The following GAB2 variants were observed in gnomAD, a reference collection of about 807,000 sequenced individuals.
The protein encoded by GAB2 is GRB2-associated-binding protein 2.
Under a neutral mutation model 65.5 loss-of-function variants are expected in GAB2, and 26 were observed. That is an observed-to-expected ratio of 0.40 (90% CI 0.29 to 0.55). The LOEUF is 0.55. Among genes scored for constraint, GAB2 ranks in the 20% least tolerant of loss-of-function variants. The probability of loss-of-function intolerance (pLI) is 0.53; values close to 1 mark genes in which losing one functional copy is unlikely to be tolerated. For missense variants in GAB2, 884 were observed against 875.8 expected (o/e 1.01, Z -0.12); for synonymous variants, 321 against 329.6 (o/e 0.97, Z 0.28).
At chr11:78,251,602 C>G (rs1170236611) in intron 2 of GAB2, among the ~76,000 whole-genome samples, 2 of 152,216 alleles carry the variant, frequency 1.3e-5, no homozygotes, top group East Asian at 3.8e-4. Context: ...CTTGAACACA[C>G]CAGCCTCTTT....
At chr11:78,340,527 C>G (rs1378847662) in intron 1 of GAB2, among the ~76,000 whole-genome samples, 1 of 150,986 alleles carries the variant, frequency 6.6e-6, no homozygotes, top group Non-Finnish European at 1.5e-5. Context: ...CTTCAAAAGT[C>G]TAAAATTCCA....
At chr11:78,317,922 C>T (rs1434615841) in intron 1 of GAB2, among the ~76,000 whole-genome samples, 1 of 151,970 alleles carries the variant, frequency 6.6e-6, no homozygotes, top group Non-Finnish European at 1.5e-5. Context: ...ACTAAGAACA[C>T]ATTGAAGGTA....
At chr11:78,363,894 T>G (rs984782400) in intron 1 of GAB2, 8 of 152,188 alleles carry the variant, frequency 5.3e-5, no homozygotes, top group Admixed American at 1.3e-4. Flanking sequence ...TAGAAATACA[T>G]TTTCTTAAAA....
At chr11:78,328,081 C>T (rs1855855206) in intron 1 of GAB2, among the ~76,000 whole-genome samples, 1 of 152,040 alleles carries the variant, frequency 6.6e-6, no homozygotes. Flanking sequence ...AGGACAAAGC[C>T]CTATTACCCT....
intron 1 of GAB2, among the ~76,000 whole-genome samples, chr11:78,326,025 C>G (rs1855815735): frequency 6.6e-6 from 1 of 152,164 alleles, no homozygotes; most frequent in Admixed American, 6.5e-5. Context: ...TAGAGACAAT[C>G]ATTCTTATCT....
chr11:78,268,310 G>C (rs1865919932), intron 2 of GAB2, among the ~76,000 whole-genome samples: 1 of 152,186 alleles, frequency 6.6e-6, no homozygotes, highest in Admixed American at 6.5e-5. Flanking sequence ...CTGTTTCCCA[G>C]CACAGATCCT....
intron 1 of GAB2, among the ~76,000 whole-genome samples, chr11:78,390,918 G>C (rs1390825590): frequency 1.3e-5 from 2 of 152,154 alleles, no homozygotes; most frequent in African/African-American, 2.4e-5. Flanking sequence ...GATCAATAAC[G>C]CAGATGAAAT....
chr11:78,358,104 A>C (rs1484054698), intron 1 of GAB2, among the ~76,000 whole-genome samples: 1 of 152,150 alleles, frequency 6.6e-6, no homozygotes, highest in Non-Finnish European at 1.5e-5. Context: ...ACCATGGAAT[A>C]CTATGCAGCC....
chr11:78,362,453 A>G (rs1293960257), intron 1 of GAB2, among the ~76,000 whole-genome samples: 1 of 152,158 alleles, frequency 6.6e-6, no homozygotes, highest in African/African-American at 2.4e-5. Flanking sequence ...AGGAAATTAG[A>G]AAAAGGAAAC....
At chr11:78,312,550 C>G (rs551490669) in intron 1 of GAB2, among the ~76,000 whole-genome samples, 119 of 152,230 alleles carry the variant, frequency 7.8e-4, no homozygotes, top group African/African-American at 2.8e-3. Context: ...CTCAGCCTCC[C>G]GAGTAGCTGG....
chr11:78,352,347 C>T (rs1466296939), intron 1 of GAB2, among the ~76,000 whole-genome samples: 1 of 152,218 alleles, frequency 6.6e-6, no homozygotes, highest in South Asian at 2.1e-4. Flanking sequence ...ACCACGTCAT[C>T]CCCGTTACAT....
intron 1 of GAB2, among the ~76,000 whole-genome samples, chr11:78,302,070 C>G (rs1054929740): frequency 6.6e-6 from 1 of 152,042 alleles, no homozygotes; most frequent in Non-Finnish European, 1.5e-5. Flanking sequence ...AATCTAAGAC[C>G]TGAAACTATA....
intron 1 of GAB2, among the ~76,000 whole-genome samples, chr11:78,357,264 G>C (rs1856371812): frequency 6.6e-6 from 1 of 152,160 alleles, no homozygotes; most frequent in African/African-American, 2.4e-5. Flanking sequence ...ACAAACACTA[G>C]TGACAATTGT....
Position 78,215,874 on chromosome 11 carries a change from G to A in GAB2, c.*3398C>T, listed in dbSNP as rs1421696112. The stretch of plus-strand genomic sequence containing the variant: ...AGAACTCTGGAAATGGGATAGGGGT[G>A]CTGGGCCGAGATGTCCCCATGGGAG... On this transcript the variant is annotated 3_prime_UTR_variant, in exon 10 of 10. Transcript: ENST00000361507. 1.3e-5 allele frequency: 2 copies of A among 152,752 alleles called. No homozygotes were observed. Among genetic ancestry groups the A allele is most frequent in the Non-Finnish European group, 2.9e-5 (2 of 68,104 alleles). 9.5% of individuals were successfully genotyped at this position (152,752 alleles called of 1,614,324 possible). A position where few individuals can be genotyped will look rare whatever the true frequency, so the allele number is the denominator to read the frequency against.
chr11:78,270,851 C>T (rs1250930557), intron 2 of GAB2, among the ~76,000 whole-genome samples: 5 of 152,348 alleles, frequency 3.3e-5, no homozygotes, highest in Non-Finnish European at 7.3e-5. Context: ...CCCAACAACG[C>T]TGTGAGGAGC....
intron 1 of GAB2, among the ~76,000 whole-genome samples, chr11:78,386,147 G>A (rs891706313): frequency 3.3e-5 from 5 of 152,162 alleles, no homozygotes; most frequent in Non-Finnish European, 5.9e-5. Flanking sequence ...GAATTACTAA[G>A]TTAGGGACAG....
At chr11:78,225,479 A>C (rs1331114670) in intron 4 of GAB2, among the ~76,000 whole-genome samples, 1 of 152,006 alleles carries the variant, frequency 6.6e-6, no homozygotes, top group Non-Finnish European at 1.5e-5. Flanking sequence ...TACACCACTC[A>C]CCTGTCCTGC....
At chr11:78,411,832 C>T (rs575834832) in intron 1 of GAB2, among the ~76,000 whole-genome samples, 2 of 151,936 alleles carry the variant, frequency 1.3e-5, no homozygotes, top group South Asian at 2.1e-4. Flanking sequence ...GAGATTGAGA[C>T]CATCCTGGCC....
chr11:78,360,669 C>T (rs907392756), intron 1 of GAB2, among the ~76,000 whole-genome samples: 2 of 151,994 alleles, frequency 1.3e-5, no homozygotes, highest in African/African-American at 4.8e-5. Flanking sequence ...ACCAGCCTGG[C>T]CAACATGGCG....
Sources: allele counts gnomAD v4.1 joint callset (sites outside exome capture counted in the v4.1 genomes callset), GRCh38; gene constraint gnomAD v4.1.1; transcripts MANE v1.5; gene names NCBI Gene and HGNC (gene_info 2026-07-23, HGNC 2026-07-21).